Variants in ZNF708 observed in about 807,000 individuals in gnomAD.
The protein encoded by ZNF708 is ZNF15, ZNF15L1.
In ZNF708, 44 loss-of-function variants were observed where a neutral mutation model predicts 47.0. The observed-to-expected ratio is 0.94, with a 90% confidence interval of 0.74 to 1.20. The LOEUF (loss-of-function observed/expected upper bound fraction) is 1.20. Among genes scored for constraint, ZNF708 ranks in the 50% most tolerant of loss-of-function variants. ZNF708 has a pLI of 0.00. For synonymous variants in ZNF708, 184 were observed against 218.5 expected, an observed-to-expected ratio of 0.84 and a Z score of 1.39; for missense variants, 557 against 656.0, an observed-to-expected ratio of 0.85 and a Z score of 1.65.
In ZNF708 at chr19:21,325,134, A is replaced by G. The variant is rs186862632; in HGVS notation, c.3+4076T>C. On this transcript the variant is annotated intron_variant, in intron 1 of 3. Coordinates refer to ENST00000356929, the MANE Select transcript of ZNF708 (RefSeq NM_021269.3). ...AAGTAGAATCAATATTGTGAAAATG[A>G]CCATACTGCCAAAAGCAATCTACAA... Among the ~76,000 whole-genome samples the G allele has an allele frequency of 3.1e-3, 466 of 152,284 alleles. 4 individuals carry two copies. The highest frequency in any genetic ancestry group is 0.011 in the African/African-American group (449 of 41,562).
At chr19:21,297,332 C>G (rs1972559689) in intron 3 of ZNF708, among the ~76,000 whole-genome samples, 1 of 126,706 alleles carries the variant, frequency 7.9e-6, no homozygotes, top group Non-Finnish European at 1.6e-5. Flanking sequence ...CCCAGGCTGG[C>G]ATGATCTCAG....
chr19:21,317,235 A>G (rs186373274), intron 1 of ZNF708, among the ~76,000 whole-genome samples: 13 of 152,154 alleles, frequency 8.5e-5, no homozygotes, highest in Middle Eastern at 3.4e-3. Context: ...AGCTAAGATC[A>G]TGCCACTGCA....
chr19:21,326,572 G>A (rs1973259472), intron 1 of ZNF708, among the ~76,000 whole-genome samples: 1 of 152,160 alleles, frequency 6.6e-6, no homozygotes, highest in Non-Finnish European at 1.5e-5. Context: ...GTGGAAGGGG[G>A]ACGAGGGATA....
chr19:21,296,097 T>C (rs1268291967), intron 3 of ZNF708, among the ~76,000 whole-genome samples: 1 of 151,650 alleles, frequency 6.6e-6, no homozygotes, highest in Non-Finnish European at 1.5e-5. Flanking sequence ...AAATGTCTTA[T>C]GAGATAACCA....
chr19:21,307,467 CA>C (rs1972809046), intron 3 of ZNF708, among the ~76,000 whole-genome samples: 1 of 151,964 alleles, frequency 6.6e-6, no homozygotes, highest in African/African-American at 2.4e-5. Flanking sequence ...ACTAAAAATA[CA>C]AAAATTAGCT....
intron 1 of ZNF708, among the ~76,000 whole-genome samples, chr19:21,316,024 G>C (rs971981423): frequency 6.8e-6 from 1 of 147,662 alleles, no homozygotes; most frequent in Non-Finnish European, 1.5e-5. Context: ...AGCCGAGTTC[G>C]TGCCATTGCA....
intron 1 of ZNF708, chr19:21,318,471 G>A (rs964858626): frequency 4.6e-5 from 7 of 152,088 alleles, no homozygotes; most frequent in African/African-American, 1.4e-4. Flanking sequence ...TGTATCTTGA[G>A]AAAAAACTCA....
intron 1 of ZNF708, among the ~76,000 whole-genome samples, chr19:21,322,487 G>C (rs1973171453): frequency 6.6e-6 from 1 of 152,032 alleles, no homozygotes; most frequent in South Asian, 2.1e-4. Context: ...ATCTGTAGTA[G>C]GGACGGGGTT....
intron 3 of ZNF708, among the ~76,000 whole-genome samples, chr19:21,304,671 T>TAAAAAAAAAAAAAAAAAATCACA: frequency 6.6e-6 from 1 of 152,262 alleles, no homozygotes; most frequent in African/African-American, 2.4e-5. Flanking sequence ...GGCAAAAAGT[T>TAAAAAAAAAAAAAAAAAATCACA]TGGGACCAGC....
At chr19:21,303,277 G>A (rs936779489) in intron 3 of ZNF708, among the ~76,000 whole-genome samples, 2 of 152,186 alleles carry the variant, frequency 1.3e-5, no homozygotes, top group Non-Finnish European at 2.9e-5. Flanking sequence ...AATAGGCCAG[G>A]CATGGTGGCT....
At chr19:21,319,350 T>C (rs904173576) in intron 1 of ZNF708, among the ~76,000 whole-genome samples, 4 of 152,224 alleles carry the variant, frequency 2.6e-5, no homozygotes, top group Non-Finnish European at 4.4e-5. Flanking sequence ...GGATAATTAG[T>C]GTTCTGTAAA....
chr19:21,324,801 G>A (rs11673320), intron 1 of ZNF708, among the ~76,000 whole-genome samples: 23,665 of 151,922 alleles, frequency 0.16, 2,128 homozygotes, highest in Non-Finnish European at 0.21. Flanking sequence ...CTTAAAACTA[G>A]GAAATCAAGA....
At chr19:21,313,864 T>C (rs1972953176) in intron 1 of ZNF708, among the ~76,000 whole-genome samples, 1 of 152,070 alleles carries the variant, frequency 6.6e-6, no homozygotes, top group Non-Finnish European at 1.5e-5. Context: ...TGGGTTTATA[T>C]TTACTTTTTT....
chr19:21,322,925 TTTCTG>T (rs1973181755), intron 1 of ZNF708, among the ~76,000 whole-genome samples: 3 of 152,208 alleles, frequency 2.0e-5, no homozygotes, highest in Admixed American at 1.3e-4. Context: ...CCCATTTACA[TTTCTG>T]AGCTACTGTT....
At chr19:21,296,958 C>A (rs141143934) in intron 3 of ZNF708, among the ~76,000 whole-genome samples, 1 of 151,450 alleles carries the variant, frequency 6.6e-6, no homozygotes, top group African/African-American at 2.4e-5. Context: ...CATGGTGAAA[C>A]CCCATCTCAA....
chr19:21,315,466 C>A (rs1471273535), intron 1 of ZNF708, among the ~76,000 whole-genome samples: 1 of 152,108 alleles, frequency 6.6e-6, no homozygotes, highest in Non-Finnish European at 1.5e-5. Context: ...AAGGAGAGAT[C>A]CCCTCAGAGG....
At chr19:21,295,887 T>C (rs1166938220) in intron 3 of ZNF708, among the ~76,000 whole-genome samples, 3 of 152,106 alleles carry the variant, frequency 2.0e-5, no homozygotes, top group Admixed American at 2.0e-4. Context: ...AATATAAAGA[T>C]GTATAAATTT....
intron 1 of ZNF708, among the ~76,000 whole-genome samples, chr19:21,326,586 G>A (rs1973259806): frequency 1.3e-5 from 2 of 152,166 alleles, no homozygotes; most frequent in African/African-American, 4.8e-5. Context: ...AGGGATAAAA[G>A]ACTACAAATT....
At chr19:21,323,796 A>T (rs1973200325) in intron 1 of ZNF708, among the ~76,000 whole-genome samples, 1 of 152,164 alleles carries the variant, frequency 6.6e-6, no homozygotes, top group Non-Finnish European at 1.5e-5. Context: ...TGGGGTGAGC[A>T]GGCTGGGATA....
Sources: gnomAD v4.1 joint callset for allele counts (sites outside exome capture counted in the v4.1 genomes callset) on GRCh38, gnomAD v4.1.1 for gene constraint, MANE v1.5 for transcripts, NCBI Gene and HGNC (gene_info 2026-07-23, HGNC 2026-07-21) for gene names.